PCDHA8: variants seen among roughly 807,000 people sequenced by gnomAD.
PCDHA8 encodes the protein protocadherin alpha 8.
A neutral mutation model predicts 61.8 loss-of-function variants in PCDHA8; 53 were observed. The ratio of observed to expected loss-of-function variants is 0.86; its 90% confidence interval spans 0.69 to 1.08. The LOEUF (loss-of-function observed/expected upper bound fraction) is 1.08. PCDHA8 is among the 50% of genes least tolerant of loss of function. The probability of loss-of-function intolerance (pLI) is 0.00; values close to 1 mark genes in which losing one functional copy is unlikely to be tolerated. For missense variants in PCDHA8, 1,293 were observed against 1,245.0 expected (o/e 1.04, Z -0.58); for synonymous variants, 618 against 556.6 (o/e 1.11, Z -1.55).
Position 140,857,130 on chromosome 5 carries a change from A to T in PCDHA8, c.2394+13415A>T, listed in dbSNP as rs1554149562. 6.3e-7 allele frequency: 1 copy of T among 1,598,310 alleles called. No individual in the cohort carries two copies. The highest frequency in any genetic ancestry group is 8.6e-7 in the Non-Finnish European group (1 of 1,167,812). On this transcript the variant is annotated intron_variant, in intron 1 of 3. Coordinates refer to ENST00000531613, the MANE Select transcript of PCDHA8 (RefSeq NM_018911.3). Reference sequence around the variant, plus strand: ...TCTCTGTCTCTCCCAGTGAAAGAAGATGCTCAAGTGGGCACCGTCATTGCC... The same window carrying T: ...TCTCTGTCTCTCCCAGTGAAAGAAGTTGCTCAAGTGGGCACCGTCATTGCC...
chr5:140,863,505 C>A, intron 1 of PCDHA8: 1 of 421,530 alleles, frequency 2.4e-6, no homozygotes. Flanking sequence ...GGCTTTTAGT[C>A]CTAGTGTTCT....
Position 140,858,384 on chromosome 5 carries a change from T to C in PCDHA8, c.2394+14669T>C, listed in dbSNP as rs782413045. 1.8e-5 allele frequency: 29 copies of C among 1,582,610 alleles called. 1 individual carries two copies. The East Asian group carries it at 3.6e-4, about 20-fold the overall frequency. ...AGCCCCAGCCTTCCACCATGCCCAA[T>C]GGTAGATGTGGACGGGGAAGATCAG... On this transcript the variant is annotated intron_variant, in intron 1 of 3. Coordinates refer to ENST00000531613, the MANE Select transcript of PCDHA8 (RefSeq NM_018911.3).
At chr5:141,005,769 G>A (rs1421440870) in intron 3 of PCDHA8, among the ~76,000 whole-genome samples, 3 of 129,926 alleles carry the variant, frequency 2.3e-5, no homozygotes, top group Non-Finnish European at 4.9e-5. Context: ...AAGCAAACCA[G>A]ATGTGTAAAG....
intron 1 of PCDHA8, chr5:140,967,785 G>C: frequency 6.2e-7 from 1 of 1,614,176 alleles, no homozygotes; most frequent in Non-Finnish European, 8.5e-7. Flanking sequence ...GCGACTGACC[G>C]GGGTCCAGTG....
intron 1 of PCDHA8, chr5:140,850,435 T>G: frequency 1.3e-6 from 2 of 1,597,644 alleles, no homozygotes; most frequent in Middle Eastern, 1.7e-4. Flanking sequence ...CGCCAGCGCC[T>G]ACTGGTGCTG....
At chr5:140,863,363 TG>T (rs1554158141) in intron 1 of PCDHA8, 2 of 1,206,158 alleles carry the variant, frequency 1.7e-6, no homozygotes, top group Non-Finnish European at 1.2e-6. Context: ...CTGCGGTGCT[TG>T]GCGCAGCTCA....
intron 1 of PCDHA8, chr5:140,884,290 A>G: frequency 6.2e-7 from 1 of 1,613,642 alleles, no homozygotes; most frequent in Non-Finnish European, 8.5e-7. Flanking sequence ...AGAGCGGCCA[A>G]GCGCCACAGG....
intron 1 of PCDHA8, among the ~76,000 whole-genome samples, chr5:140,942,587 CAT>C (rs2093330311): frequency 6.7e-6 from 1 of 148,732 alleles, no homozygotes; most frequent in East Asian, 2.0e-4. Flanking sequence ...TAGGATGTCA[CAT>C]ATAATTATAG....
chr5:140,875,741 T>A lies in PCDHA8; in HGVS notation c.2394+32026T>A, dbSNP rs781967971. On this transcript the variant is annotated intron_variant, in intron 1 of 3. Transcript: ENST00000531613. ...GGCATTTTGTTTGTGAATTCTCGGA[T>A]CGACCGCGAGAAGCTGTGCGGGCGG... 1.7e-5 allele frequency: 28 copies of A among 1,614,216 alleles called. No individual in the cohort carries two copies. Among genetic ancestry groups the A allele is most frequent in the Non-Finnish European group, 2.2e-5 (26 of 1,180,032 alleles).
chr5:140,961,385 T>G (rs1480607533), intron 1 of PCDHA8, among the ~76,000 whole-genome samples: 3 of 152,204 alleles, frequency 2.0e-5, no homozygotes, highest in Non-Finnish European at 4.4e-5. Flanking sequence ...GTTTGAACTA[T>G]TCCATTAGTA....
chr5:140,866,796 G>A (rs1360079320), intron 1 of PCDHA8: 5 of 152,128 alleles, frequency 3.3e-5, no homozygotes, highest in African/African-American at 1.2e-4. Context: ...TATAGTAAAA[G>A]TCAGGCACAA....
At chr5:140,878,923 A>G (rs895670993) in intron 1 of PCDHA8, among the ~76,000 whole-genome samples, 8 of 152,222 alleles carry the variant, frequency 5.3e-5, no homozygotes, top group African/African-American at 1.9e-4. Flanking sequence ...AGCTTCAATC[A>G]ATAATTTTAA....
rs782499527 is a variant in PCDHA8, at chr5:140,871,070, C to T, written c.2394+27355C>T. ...GTACTGGTGAAGGATCACGGTGAGC[C>T]GGCGCTGACGGCCACGGCCACCGTG... On this transcript the variant is annotated intron_variant, in intron 1 of 3. Transcript: ENST00000531613. 11 of 1,613,094 alleles carry T rather than the reference C, an allele frequency of 6.8e-6. No homozygotes were observed. The South Asian group carries it at 9.9e-5, about 14-fold the overall frequency.
At chr5:140,902,102 G>A (rs1407664200) in intron 1 of PCDHA8, among the ~76,000 whole-genome samples, 1 of 151,098 alleles carries the variant, frequency 6.6e-6, no homozygotes, top group African/African-American at 2.4e-5. Context: ...GGAGTCTTTA[G>A]ATTTTTTTAA....
intron 3 of PCDHA8, among the ~76,000 whole-genome samples, chr5:141,002,901 G>C (rs2098101392): frequency 6.6e-6 from 1 of 152,224 alleles, no homozygotes; most frequent in Admixed American, 6.5e-5. Flanking sequence ...GCAAGATGAA[G>C]AGAAGATCAG....
chr5:140,868,747 T>C, intron 1 of PCDHA8: 1 of 213,646 alleles, frequency 4.7e-6, no homozygotes, highest in South Asian at 1.1e-4. Context: ...TACAATGCCA[T>C]TTCCATATAT....
At chr5:140,968,008 CT>C (rs782634586) in intron 1 of PCDHA8, 1 of 1,614,202 alleles carries the variant, frequency 6.2e-7, no homozygotes, top group Non-Finnish European at 8.5e-7. Context: ...GACTGAATGG[CT>C]TTGGAAACTC....
At chr5:140,969,359 C>A (rs1554231722) in intron 1 of PCDHA8, 2 of 1,611,118 alleles carry the variant, frequency 1.2e-6, no homozygotes, top group Admixed American at 3.4e-5. Flanking sequence ...GGGTCTTCTA[C>A]AAACTCATGC....
At chr5:140,926,731 G>C (rs1282301090) in intron 1 of PCDHA8, 9 of 1,104,780 alleles carry the variant, frequency 8.1e-6, no homozygotes, top group Middle Eastern at 3.2e-4. Flanking sequence ...GCCGGCGTTC[G>C]GGAGGCGCAA....
Sources: gnomAD v4.1 joint callset for allele counts (sites outside exome capture counted in the v4.1 genomes callset) on GRCh38, gnomAD v4.1.1 for gene constraint, MANE v1.5 for transcripts, NCBI Gene and HGNC (gene_info 2026-07-23, HGNC 2026-07-21) for gene names.